The following SSBP4 variants were observed in gnomAD, a reference collection of about 807,000 sequenced individuals.
SSBP4 encodes single stranded DNA binding protein 4.
In SSBP4, 33 loss-of-function variants were observed where a neutral mutation model predicts 64.6. The observed-to-expected ratio is 0.51, with a 90% confidence interval of 0.39 to 0.68. SSBP4 has a LOEUF of 0.68. Among genes scored for constraint, SSBP4 ranks in the 30% least tolerant of loss-of-function variants. The probability of loss-of-function intolerance (pLI) is 0.00; values close to 1 mark genes in which losing one functional copy is unlikely to be tolerated. For synonymous variants in SSBP4, 243 were observed against 224.0 expected (o/e 1.08, Z -0.76); for missense variants, 583 against 566.8 (o/e 1.03, Z -0.29).
At chr19:18,420,258 G>A (rs2144674022) in intron 1 of SSBP4, 1 of 152,338 alleles carries the variant, frequency 6.6e-6, no homozygotes, top group East Asian at 1.9e-4. Context: ...TGGGGCCCCT[G>A]GGGAAGCCGC....
At chr19:18,433,529 G>C (rs1255668220) in intron 15 of SSBP4, 56 bp from the exon 16 acceptor site, 9 of 1,543,152 alleles carry the variant, frequency 5.8e-6, no homozygotes, top group African/African-American at 1.4e-5. Flanking sequence ...CCTGGAGGCC[G>C]AGGGGCATGG....
At chr19:18,431,960 T>A (rs755574911) in intron 8 of SSBP4, 40 bp from the exon 9 acceptor site, 10 of 1,554,546 alleles carry the variant, frequency 6.4e-6, no homozygotes, top group Non-Finnish European at 8.7e-6. Flanking sequence ...CACTGGGGAA[T>A]GGTCCAGGTC....
At chr19:18,419,920 G>T (rs1600278902) in intron 1 of SSBP4, among the ~76,000 whole-genome samples, 2 of 150,872 alleles carry the variant, frequency 1.3e-5, no homozygotes, top group African/African-American at 4.9e-5. Context: ...CCGGAGTTGA[G>T]GGTTGGCGGG....
chr19:18,430,853 G>C lies in SSBP4; in HGVS notation c.292G>C (p.Ala98Pro). Residue 98 changes from alanine to proline, a missense_variant, in exon 5 of 18, where the codon GCC becomes CCC. By Grantham distance (27) the Ala-to-Pro change is conservative. Transcript: ENST00000270061. The part of the protein sequence containing the change: ...KAFQDYSAAA[A>P]PSPVMGSMAP... ...CGCACCCTTACAGAGTGCTGCAGCC[G>C]CCCCCAGCCCCGTTATGGGGAGTAT... 1 of 1,612,586 alleles carries C rather than the reference G, an allele frequency of 6.2e-7. No individual in the cohort carries two copies. The highest frequency in any genetic ancestry group is 8.5e-7 in the Non-Finnish European group (1 of 1,179,424).
At chr19:18,428,039 T>C (rs1361617029) in intron 4 of SSBP4, 57 bp downstream of exon 4, 1 of 607,396 alleles carries the variant, frequency 1.6e-6, no homozygotes, top group Non-Finnish European at 2.6e-6. Context: ...GCTGGGCCTG[T>C]GGCTGGGGAG....
chr19:18,433,888 G>T, intron 17 of SSBP4, 71 bp downstream of exon 17: 2 of 1,286,908 alleles, frequency 1.6e-6, no homozygotes, highest in Middle Eastern at 2.8e-4. Context: ...GGCCCCGGCG[G>T]GGCGGCCGGG....
chr19:18,416,179 T>A (rs1465751680), upstream of SSBP4, among the ~76,000 whole-genome samples: 3 of 152,116 alleles, frequency 2.0e-5, no homozygotes, highest in Non-Finnish European at 4.4e-5. Context: ...TACACCCAGC[T>A]AATTTTTGTG....
chr19:18,404,234 G>A, the SSBP4 span, among the ~76,000 whole-genome samples: 144 of 151,748 alleles, frequency 9.5e-4, no homozygotes, highest in Middle Eastern at 3.4e-3. Context: ...GACCCTCAGA[G>A]ACCCTCAGAG....
At chr19:18,425,336 G>A (rs537040000) in intron 1 of SSBP4, among the ~76,000 whole-genome samples, 5 of 152,276 alleles carry the variant, frequency 3.3e-5, no homozygotes, top group Non-Finnish European at 5.9e-5. Context: ...CTGCAACTCT[G>A]TCTTACCCCA....
At chr19:18,424,790 G>A (rs1475065476) in intron 1 of SSBP4, among the ~76,000 whole-genome samples, 1 of 151,428 alleles carries the variant, frequency 6.6e-6, no homozygotes, top group East Asian at 2.0e-4. Context: ...ACAGGTGCAC[G>A]CCTGTGCGCA....
chr19:18,433,846 C>G lies in SSBP4; in HGVS notation c.1128+29C>G. 3.0e-6 allele frequency: 4 copies of G among 1,318,778 alleles called. No individual in the cohort carries two copies. In the South Asian group the frequency reaches 4.8e-5, roughly 16 times the overall value. The allele number at this position is 1,318,778 out of a possible 1,614,324, so 81.7% of individuals were successfully genotyped here. A position where few individuals can be genotyped will look rare whatever the true frequency, so the allele number is the denominator to read the frequency against. ...AGCGACTGCGTCGACTCCCCCCCCG[C>G]GGCGGCGTCGGGCCGGAGGGGCTGG... On this transcript the variant is annotated intron_variant, in intron 17 of 17. Transcript: ENST00000270061.
rs1484835387 is a variant in SSBP4 at position 18,432,163 on chromosome 19, T to C, written c.653T>C (p.Met218Thr). The C allele has an allele frequency of 3.1e-6, 5 of 1,613,122 alleles. No individual in the cohort carries two copies. The East Asian group carries it at 8.9e-5, about 29-fold the overall frequency. The change falls in exon 10 of 18, where the codon ATG becomes ACG. Residue 218 changes from methionine (M) to threonine (T), a missense_variant. Met to Thr is a moderately conservative substitution (Grantham distance 81). Coordinates refer to ENST00000270061, the MANE Select transcript of SSBP4 (RefSeq NM_032627.5). ...SVGPQSYGGGMRPPPNSLAGP... is the reference protein window; with the variant it reads ...SVGPQSYGGGTRPPPNSLAGP... The stretch of plus-strand genomic sequence containing the variant: ...CCTCCGCAGAGCTATGGAGGTGGCA[T>C]GCGACCCCCACCCAACTCCCTCGCC...
rs1351287055 is a variant in SSBP4, at chr19:18,426,381, C to T, written c.60-970C>T. ...GGTACCCTGTCTTGAATCTAAGAGT[C>T]CCCCAACCCCCAGCAGACTCTCGTG... On this transcript the variant is annotated intron_variant, in intron 1 of 17. Transcript: ENST00000270061. This position sits in a 1 kb window ranked among gnomAD's most constrained non-coding sequence, Gnocchi z 4.5. Among the ~76,000 whole-genome samples the T allele has an allele frequency of 1.3e-5, 2 of 152,156 alleles. No homozygotes were observed. The highest frequency in any genetic ancestry group is 2.9e-5 in the Non-Finnish European group (2 of 68,014).
At chr19:18,413,396 T>A in the SSBP4 span, among the ~76,000 whole-genome samples, 8 of 152,044 alleles carry the variant, frequency 5.3e-5, no homozygotes, top group Non-Finnish European at 1.5e-5. Context: ...GTAATTTTAG[T>A]AGAAATGGGG....
chr19:18,428,632 TGA>T (rs1241597110), intron 4 of SSBP4, among the ~76,000 whole-genome samples: 4 of 152,068 alleles, frequency 2.6e-5, no homozygotes, highest in Non-Finnish European at 5.9e-5. Context: ...CTGTTGGGTC[TGA>T]GGGGGAGGTG....
rs1379280493 is a variant in SSBP4, at chr19:18,434,392, C to CTT, written c.*147_*148dup. On this transcript the variant is annotated 3_prime_UTR_variant, in exon 18 of 18. Transcript: ENST00000270061. ...GCTGGGAGGCCCCACACGAAAGACT[C>CTT]TTACCATTTTATTAAAAACGCAAGG... 51 of 1,383,242 alleles carry CTT rather than the reference C, an allele frequency of 3.7e-5. No individual in the cohort carries two copies. The highest frequency in any genetic ancestry group is 4.3e-5 in the Non-Finnish European group (45 of 1,055,814). 85.7% of individuals were successfully genotyped at this position (1,383,242 alleles called of 1,614,324 possible).
the SSBP4 span, among the ~76,000 whole-genome samples, chr19:18,408,956 G>A: frequency 7.9e-5 from 12 of 152,178 alleles, no homozygotes; most frequent in Non-Finnish European, 1.3e-4. Context: ...GGGACCATGG[G>A]TGTGGGCCAC....
At position 18,423,887 on chromosome 19, in the gene SSBP4, G is replaced by C. The variant is rs577413324; in HGVS notation, c.60-3464G>C. Among the ~76,000 whole-genome samples, 62 of 152,094 alleles carry C rather than the reference G, an allele frequency of 4.1e-4. No homozygotes were observed. The highest frequency in any genetic ancestry group is 7.5e-4 in the Non-Finnish European group (51 of 68,002). On this transcript the variant is annotated intron_variant, in intron 1 of 17. Coordinates refer to ENST00000270061, the MANE Select transcript of SSBP4 (RefSeq NM_032627.5). This position sits in a 1 kb window ranked among gnomAD's most constrained non-coding sequence, Gnocchi z 4.0. The stretch of plus-strand genomic sequence containing the variant: ...CGGCCCAGGGCAGGTGGCCGGTGGG[G>C]GGCAGAGGGCATGGGTGATTTGCAT...
intron 1 of SSBP4, among the ~76,000 whole-genome samples, chr19:18,420,775 C>A (rs1242161925): frequency 2.0e-5 from 3 of 151,788 alleles, no homozygotes; most frequent in Non-Finnish European, 2.9e-5. Context: ...TCCCTTGAAC[C>A]CGTGGCGCAG....
Sources: gnomAD v4.1 joint callset for allele counts (sites outside exome capture counted in the v4.1 genomes callset) on GRCh38, gnomAD v4.1.1 for gene constraint, Gnocchi (gnomAD v3.1) non-coding constraint, MANE v1.5 for transcripts, NCBI Gene and HGNC (gene_info 2026-07-23, HGNC 2026-07-21) for gene names.